Variants in PCDHA11 observed in about 807,000 individuals in gnomAD.
The protein encoded by PCDHA11 is protocadherin alpha-11.
In PCDHA11, 61 loss-of-function variants were observed where a neutral mutation model predicts 70.3. That is an observed-to-expected ratio of 0.87 (90% CI 0.71 to 1.07). PCDHA11 has a LOEUF of 1.07. PCDHA11 is among the 50% of genes least tolerant of loss of function. The probability of loss-of-function intolerance (pLI) is 0.00; values close to 1 mark genes in which losing one functional copy is unlikely to be tolerated. For synonymous variants in PCDHA11, 633 were observed against 555.1 expected, an observed-to-expected ratio of 1.14 and a Z score of -1.97; for missense variants, 1,324 against 1,237.5, an observed-to-expected ratio of 1.07 and a Z score of -1.05.
At chr5:140,966,692 G>A in intron 1 of PCDHA11, 2 of 1,352,080 alleles carry the variant, frequency 1.5e-6, no homozygotes, top group East Asian at 2.9e-5. Context: ...CGGAGGCGGG[G>A]CCCGGGCGTG....
rs150463901 is a variant in PCDHA11, at chr5:140,882,560, C to A, written c.2391+11066C>A. 1.3e-3 allele frequency: 2,163 copies of A among 1,614,168 alleles called. 36 individuals carry two copies. Among genetic ancestry groups the A allele is most frequent in the Admixed American group, 1.6e-3 (95 of 60,010 alleles). ...GATCGACCGCGAGGAGCTGTGTGGG[C>A]GGAGCGCGGAGTGCAGCATCCACCT... On this transcript the variant is annotated intron_variant, in intron 1 of 3. Coordinates refer to ENST00000398640, the MANE Select transcript of PCDHA11 (RefSeq NM_018902.5).
At chr5:140,949,745 T>C (rs114918785) in intron 1 of PCDHA11, among the ~76,000 whole-genome samples, 49 of 152,020 alleles carry the variant, frequency 3.2e-4, no homozygotes, top group African/African-American at 1.1e-3. Context: ...ACTGAAGTGC[T>C]TAGCCCATTC....
At chr5:140,943,380 T>A (rs2093488086) in intron 1 of PCDHA11, among the ~76,000 whole-genome samples, 3 of 151,328 alleles carry the variant, frequency 2.0e-5, no homozygotes, top group Admixed American at 2.0e-4. Context: ...AATATACAGG[T>A]AAGAAATTAT....
In PCDHA11 at chr5:140,869,754, G is replaced by A. The variant is rs781808579; in HGVS notation, c.651G>A (p.Gly217=). 2 of 1,613,182 alleles carry A rather than the reference G, an allele frequency of 1.2e-6. No individual in the cohort carries two copies. The highest frequency in any genetic ancestry group is 1.7e-5 in the Admixed American group (1 of 59,962). The change falls in exon 1 of 4, where the codon GGG becomes GGA. Residue 217 remains glycine, a synonymous_variant. Coordinates refer to ENST00000398640, the MANE Select transcript of PCDHA11 (RefSeq NM_018902.5). The part of the protein sequence containing the change: ...ELNLLLTATD[G]GKPELTGTVR... ...ATTTGCTGCTAACAGCTACAGACGGGGGAAAACCAGAGCTTACTGGCACCG... is the reference window on the plus strand; with the variant it reads ...ATTTGCTGCTAACAGCTACAGACGGAGGAAAACCAGAGCTTACTGGCACCG...
chr5:140,918,456 T>A (rs782254836), intron 1 of PCDHA11, among the ~76,000 whole-genome samples: 9 of 152,316 alleles, frequency 5.9e-5, no homozygotes, highest in South Asian at 4.1e-4. Flanking sequence ...GTGGGCATCC[T>A]TGTCTTATTC....
chr5:140,924,178 A>C (rs2081709408), intron 1 of PCDHA11, among the ~76,000 whole-genome samples: 3 of 152,260 alleles, frequency 2.0e-5, no homozygotes. Context: ...GCACTGAAGC[A>C]GAAAATTAGT....
chr5:140,873,275 T>C (rs1335407966), intron 1 of PCDHA11, among the ~76,000 whole-genome samples: 1 of 152,220 alleles, frequency 6.6e-6, no homozygotes, highest in Non-Finnish European at 1.5e-5. Context: ...TAAACCATCA[T>C]ACCACTTATG....
rs1489202467 is a variant in PCDHA11 at position 140,882,704 on chromosome 5, A to G, written c.2391+11210A>G. ...GAAACGAATAATCATTGCAGAATCTAGACCTCCGGAAACTCGATTTCCACT... is the reference window on the plus strand; with the variant it reads ...GAAACGAATAATCATTGCAGAATCTGGACCTCCGGAAACTCGATTTCCACT... On this transcript the variant is annotated intron_variant, in intron 1 of 3. Coordinates refer to ENST00000398640, the MANE Select transcript of PCDHA11 (RefSeq NM_018902.5). 6 of 1,614,110 alleles carry G rather than the reference A, an allele frequency of 3.7e-6. No individual in the cohort carries two copies. The African/African-American group carries it at 8.0e-5, about 22-fold the overall frequency.
At chr5:140,960,273 C>T (rs1490527862) in intron 1 of PCDHA11, among the ~76,000 whole-genome samples, 1 of 152,148 alleles carries the variant, frequency 6.6e-6, no homozygotes, top group Non-Finnish European at 1.5e-5. Context: ...AATTCCGTCA[C>T]CTTTTTGGGA....
chr5:140,909,684 GT>G (rs2074636344), intron 1 of PCDHA11, among the ~76,000 whole-genome samples: 1 of 152,220 alleles, frequency 6.6e-6, no homozygotes, highest in Non-Finnish European at 1.5e-5. Context: ...GGGAGCCAAT[GT>G]GGGGGTTCTG....
intron 1 of PCDHA11, chr5:140,884,152 T>C (rs1279761986): frequency 1.9e-6 from 3 of 1,613,332 alleles, no homozygotes; most frequent in East Asian, 2.2e-5. Flanking sequence ...GGCTGTACAC[T>C]GGCGAGATCA....
intron 1 of PCDHA11, among the ~76,000 whole-genome samples, chr5:140,907,643 A>C (rs2073513749): frequency 6.6e-6 from 1 of 152,208 alleles, no homozygotes; most frequent in African/African-American, 2.4e-5. Flanking sequence ...GCTGCTGGCA[A>C]ATTGGGCACT....
At position 140,978,793 on chromosome 5, in the gene PCDHA11, A is replaced by G. The variant is rs1241254692; in HGVS notation, c.2392-156A>G. 4.1e-6 allele frequency: 4 copies of G among 977,674 alleles called. No individual in the cohort carries two copies. In the African/African-American group the frequency reaches 7.0e-5, roughly 17 times the overall value. The allele number at this position is 977,674 out of a possible 1,614,324, so 60.6% of individuals were successfully genotyped here. On this transcript the variant is annotated intron_variant, in intron 1 of 3. Coordinates refer to ENST00000398640, the MANE Select transcript of PCDHA11 (RefSeq NM_018902.5). ...CTAATTTTCTTCTAAAGTGCTATAT[A>G]TGTAGATATCATCATAGAGTTACAC... is the stretch of plus-strand genomic sequence containing the variant.
intron 3 of PCDHA11, among the ~76,000 whole-genome samples, chr5:140,986,316 C>T (rs1407067646): frequency 2.0e-5 from 3 of 152,146 alleles, no homozygotes; most frequent in African/African-American, 7.2e-5. Context: ...TTAGCTAAAT[C>T]AGGAATGCAG....
intron 3 of PCDHA11, among the ~76,000 whole-genome samples, chr5:140,989,765 C>T (rs2097359812): frequency 6.6e-6 from 1 of 152,166 alleles, no homozygotes; most frequent in South Asian, 2.1e-4. Context: ...ATATTCAGTT[C>T]AAGCACTGGC....
chr5:140,945,829 A>G (rs1472344558), intron 1 of PCDHA11, among the ~76,000 whole-genome samples: 1 of 152,180 alleles, frequency 6.6e-6, no homozygotes, highest in Non-Finnish European at 1.5e-5. Flanking sequence ...ACAAAAGTCA[A>G]CTCAAAATGG....
chr5:140,977,541 G>A (rs1164108305), intron 1 of PCDHA11, among the ~76,000 whole-genome samples: 2 of 152,188 alleles, frequency 1.3e-5, no homozygotes, highest in Non-Finnish European at 2.9e-5. Context: ...GAAGCAGCTT[G>A]CATATGCATA....
At position 140,884,430 on chromosome 5, in the gene PCDHA11, T is replaced by G. The variant is rs1554181548; in HGVS notation, c.2391+12936T>G. The G allele has an allele frequency of 2.5e-6, 4 of 1,613,804 alleles. No homozygotes were observed. The African/African-American group carries it at 4.0e-5, about 16-fold the overall frequency. ...CTCACGTTGCTGCTGTATACTGCGC[T>G]GCGGTGCTCGGCACCGCCCACCGAG... On this transcript the variant is annotated intron_variant, in intron 1 of 3. Transcript: ENST00000398640.
chr5:140,962,080 T>A (rs1226617177), intron 1 of PCDHA11, among the ~76,000 whole-genome samples: 1 of 151,756 alleles, frequency 6.6e-6, no homozygotes, highest in Non-Finnish European at 1.5e-5. Context: ...AGAGACGGGG[T>A]TTCACCATGT....
Sources: gnomAD v4.1 joint callset for allele counts (sites outside exome capture counted in the v4.1 genomes callset) on GRCh38, gnomAD v4.1.1 for gene constraint, MANE v1.5 for transcripts, NCBI Gene and HGNC (gene_info 2026-07-23, HGNC 2026-07-21) for gene names.